AGAP1: variants seen among roughly 807,000 people sequenced by gnomAD.
The protein encoded by AGAP1 is ArfGAP with GTPase domain, ankyrin repeat and PH domain 1.
AGAP1 carries 29 observed loss-of-function variants against 105.3 expected under a neutral mutation model. That is an observed-to-expected ratio of 0.28 (90% CI 0.21 to 0.38). The LOEUF is 0.38. AGAP1 is among the 10% of genes least tolerant of loss of function. The pLI, the probability that AGAP1 is intolerant of heterozygous loss-of-function variation, is 1.00. For synonymous variants in AGAP1, 509 were observed against 485.9 expected (o/e 1.05, Z -0.63); for missense variants, 998 against 1,165.1 (o/e 0.86, Z 2.09).
At position 235,733,764 on chromosome 2, in the gene AGAP1, AGTCGCCACATGCAG is replaced by A. The variant is rs1218752713; in HGVS notation, c.311-7197_311-7184del. On this transcript the variant is annotated intron_variant, in intron 3 of 17. Coordinates refer to ENST00000304032, the MANE Select transcript of AGAP1 (RefSeq NM_001037131.3). The surrounding 1 kb of genome is among the most constrained non-coding windows in gnomAD (Gnocchi z 5.0). The stretch of plus-strand genomic sequence containing the variant: ...TGTTTCACCCATGGAAATAGTCAGC[AGTCGCCACATGCAG>A]GGTCCTCACTCACTGCTGGTACCTT... 1.3e-5 allele frequency among the ~76,000 whole-genome samples: 2 copies of A among 152,206 alleles called. No individual in the cohort carries two copies. Among genetic ancestry groups the A allele is most frequent in the East Asian group, 3.9e-4 (2 of 5,190 alleles).
rs1945675389 is a variant in AGAP1, at chr2:235,599,984, A to G, written c.163+105135A>G. 6.6e-6 allele frequency among the ~76,000 whole-genome samples: 1 copy of G among 152,228 alleles called. No homozygotes were observed. Among genetic ancestry groups the G allele is most frequent in the Non-Finnish European group, 1.5e-5 (1 of 68,038 alleles). ...TGATTTGAAAACAGGCGATTCTTCC[A>G]GACAACTTTAAAGATGAGTAGGTGC... On this transcript the variant is annotated intron_variant, in intron 1 of 17. Transcript: ENST00000304032. This position sits in a 1 kb window ranked among gnomAD's most constrained non-coding sequence, Gnocchi z 5.3.
chr2:235,689,568 ACTCCC>A lies in AGAP1; in HGVS notation c.164-19607_164-19603del, dbSNP rs1559354902. Among the ~76,000 whole-genome samples, 389 of 152,016 alleles carry A rather than the reference ACTCCC, an allele frequency of 2.6e-3. 5 individuals carry two copies. Among genetic ancestry groups the A allele is most frequent in the African/African-American group, 8.8e-3 (363 of 41,460 alleles). On this transcript the variant is annotated intron_variant, in intron 1 of 17. Transcript: ENST00000304032. The surrounding 1 kb of genome is among the most constrained non-coding windows in gnomAD (Gnocchi z 4.2). ...CTGAAAGTCTTAAGTCTGTTTCTCA[ACTCCC>A]CTCTTGTTTTCATTGTTTCAGGCAA...
chr2:235,762,314 G>A (rs1338036128), intron 6 of AGAP1, among the ~76,000 whole-genome samples: 1 of 152,056 alleles, frequency 6.6e-6, no homozygotes, highest in Non-Finnish European at 1.5e-5. Flanking sequence ...TTTGTCTCAT[G>A]GACTTTGATA....
intron 9 of AGAP1, among the ~76,000 whole-genome samples, chr2:235,876,735 G>A (rs1290294148): frequency 6.6e-6 from 1 of 152,114 alleles, no homozygotes; most frequent in Non-Finnish European, 1.5e-5. Context: ...CGTGTTTCTT[G>A]CATCTGCGTT....
intron 11 of AGAP1, among the ~76,000 whole-genome samples, chr2:235,913,191 TCA>T (rs1559639625): frequency 6.6e-6 from 1 of 152,174 alleles, no homozygotes; most frequent in Non-Finnish European, 1.5e-5. Flanking sequence ...TGAAACCAGA[TCA>T]CAGTTTACAT....
chr2:236,103,154 G>A lies in AGAP1; in HGVS notation c.2115-17038G>A, dbSNP rs184999729. ...CTCCAGACAGCACATGTGTCGTGGA[G>A]GGGTCTCCCTCACCAAAACCAGCAC... On this transcript the variant is annotated intron_variant, in intron 16 of 17. Coordinates refer to ENST00000304032, the MANE Select transcript of AGAP1 (RefSeq NM_001037131.3). Among the ~76,000 whole-genome samples the A allele has an allele frequency of 4.1e-3, 618 of 152,276 alleles. 4 individuals carry two copies. Among genetic ancestry groups the A allele is most frequent in the Admixed American group, 9.7e-3 (149 of 15,290 alleles).
In AGAP1 at chr2:235,776,609, G is replaced by A. The variant is rs144996283; in HGVS notation, c.674-21150G>A. ...GGCAGTGCAGGGCGCCAGTATTTCC[G>A]CCCTCTGAATGTGGCACCACCTGTC... On this transcript the variant is annotated intron_variant, in intron 6 of 17. Coordinates refer to ENST00000304032, the MANE Select transcript of AGAP1 (RefSeq NM_001037131.3). 2.3e-3 allele frequency among the ~76,000 whole-genome samples: 357 copies of A among 152,184 alleles called. 1 individual carries two copies. The highest frequency in any genetic ancestry group is 3.4e-3 in the Middle Eastern group (1 of 294).
chr2:236,010,587 C>T lies in AGAP1; in HGVS notation c.1646-25974C>T, dbSNP rs77476147. Among the ~76,000 whole-genome samples, 15 of 152,338 alleles carry T rather than the reference C, an allele frequency of 9.8e-5. No homozygotes were observed. In the East Asian group the frequency reaches 2.3e-3, roughly 23 times the overall value. ...AACCTGAAGACGCAGAAAGTCCATA[C>T]ATAGCCAGTGTAGACATCAGCACAC... On this transcript the variant is annotated intron_variant, in intron 13 of 17. Transcript: ENST00000304032.
At chr2:235,804,189 T>C (rs2150077553) in intron 8 of AGAP1, among the ~76,000 whole-genome samples, 1 of 152,350 alleles carries the variant, frequency 6.6e-6, no homozygotes, top group Admixed American at 6.5e-5. Context: ...ATTTGGTCTA[T>C]ATTATCTGTG....
rs1417803341 is a variant in AGAP1, at chr2:235,665,007, G to A, written c.164-44172G>A. ...AGGCCAAGATGGGAGAATCATCTGAGGTGAGGCGTTCGAGACCAGCCTGGG... is the reference window on the plus strand; with the variant it reads ...AGGCCAAGATGGGAGAATCATCTGAAGTGAGGCGTTCGAGACCAGCCTGGG... On this transcript the variant is annotated intron_variant, in intron 1 of 17. Transcript: ENST00000304032. The surrounding 1 kb of genome is among the most constrained non-coding windows in gnomAD (Gnocchi z 5.3). Among the ~76,000 whole-genome samples, 1 of 152,146 alleles carries A rather than the reference G, an allele frequency of 6.6e-6. No homozygotes were observed. Among genetic ancestry groups the A allele is most frequent in the African/African-American group, 2.4e-5 (1 of 41,426 alleles).
intron 1 of AGAP1, among the ~76,000 whole-genome samples, chr2:235,554,912 C>T (rs542529739): frequency 1.3e-5 from 2 of 152,290 alleles, no homozygotes; most frequent in South Asian, 2.1e-4. Context: ...TTAGGTGATT[C>T]GCCTGCCTTG....
At chr2:235,699,434 T>C (rs902618668) in intron 1 of AGAP1, among the ~76,000 whole-genome samples, 4 of 152,146 alleles carry the variant, frequency 2.6e-5, no homozygotes, top group Non-Finnish European at 2.9e-5. Context: ...CACTATATAC[T>C]AGAAGTTGAA....
Position 235,655,483 on chromosome 2 carries a change from T to C in AGAP1, c.164-53696T>C, listed in dbSNP as rs892916352. 1.3e-5 allele frequency among the ~76,000 whole-genome samples: 2 copies of C among 152,198 alleles called. No individual in the cohort carries two copies. The highest frequency in any genetic ancestry group is 4.8e-5 in the African/African-American group (2 of 41,448). On this transcript the variant is annotated intron_variant, in intron 1 of 17. Transcript: ENST00000304032. This position sits in a 1 kb window ranked among gnomAD's most constrained non-coding sequence, Gnocchi z 4.3. Reference sequence around the variant, plus strand: ...AGGTGCCCAGTCCTTCATTGCCTCATGGGCTCTCTAGTCTTACTTTTGATC... The same window carrying C: ...AGGTGCCCAGTCCTTCATTGCCTCACGGGCTCTCTAGTCTTACTTTTGATC...
At chr2:235,590,902 T>G (rs1197467133) in intron 1 of AGAP1, among the ~76,000 whole-genome samples, 2 of 151,476 alleles carry the variant, frequency 1.3e-5, no homozygotes, top group African/African-American at 4.9e-5. Flanking sequence ...TTTGTATTTT[T>G]AGTAGAGACG....
At chr2:235,531,235 A>G (rs77655283) in intron 1 of AGAP1, among the ~76,000 whole-genome samples, 9,606 of 152,140 alleles carry the variant, frequency 0.063, 455 homozygotes, top group South Asian at 0.18. Context: ...GCAGTGCTTC[A>G]TCTTGCAGTT....
Position 235,893,718 on chromosome 2 carries a change from T to G in AGAP1, c.1155+10269T>G, listed in dbSNP as rs2124934530. Among the ~76,000 whole-genome samples the G allele has an allele frequency of 6.6e-6, 1 of 152,310 alleles. No homozygotes were observed. The highest frequency in any genetic ancestry group is 1.5e-5 in the Non-Finnish European group (1 of 68,036). ...AGGAGGAGGGCTGTGTTCCCCACAG[T>G]CTGCCCAGGGGCTGTCATGTGAGTG... On this transcript the variant is annotated intron_variant, in intron 10 of 17. Coordinates refer to ENST00000304032, the MANE Select transcript of AGAP1 (RefSeq NM_001037131.3). This position sits in a 1 kb window ranked among gnomAD's most constrained non-coding sequence, Gnocchi z 4.7.
At chr2:235,699,973 G>A (rs2149473307) in intron 1 of AGAP1, among the ~76,000 whole-genome samples, 1 of 152,330 alleles carries the variant, frequency 6.6e-6, no homozygotes, top group Middle Eastern at 3.4e-3. Flanking sequence ...TGTAGCTTGG[G>A]ATGAACTTCT....
chr2:235,499,358 G>A (rs544379951), intron 1 of AGAP1, among the ~76,000 whole-genome samples: 9 of 152,356 alleles, frequency 5.9e-5, no homozygotes, highest in Admixed American at 5.2e-4. Flanking sequence ...ATGTGGAAAT[G>A]TATTTAGTCC....
chr2:235,499,159 C>A (rs889046738), intron 1 of AGAP1, among the ~76,000 whole-genome samples: 1 of 152,198 alleles, frequency 6.6e-6, no homozygotes, highest in African/African-American at 2.4e-5. Flanking sequence ...CACCTCTGGC[C>A]CTCTGTCGCC....
Sources: gnomAD v4.1 joint callset for allele counts (sites outside exome capture counted in the v4.1 genomes callset) on GRCh38, gnomAD v4.1.1 for gene constraint, Gnocchi (gnomAD v3.1) non-coding constraint, MANE v1.5 for transcripts, NCBI Gene and HGNC (gene_info 2026-07-23, HGNC 2026-07-21) for gene names.